Variants in BTNL8 observed in about 807,000 individuals in gnomAD.
The protein encoded by BTNL8 is butyrophilin-like protein 8.
BTNL8 carries 22 observed loss-of-function variants against 36.1 expected under a neutral mutation model. That is an observed-to-expected ratio of 0.61 (90% CI 0.44 to 0.87). The LOEUF (loss-of-function observed/expected upper bound fraction) is 0.87. Among genes scored for constraint, BTNL8 ranks in the 40% least tolerant of loss-of-function variants. The pLI is 0.00. For missense variants in BTNL8, 526 were observed against 616.9 expected, an observed-to-expected ratio of 0.85 and a Z score of 1.56; for synonymous variants, 203 against 235.6, an observed-to-expected ratio of 0.86 and a Z score of 1.27.
chr5:180,918,952 T>C (rs1757757433), intron 3 of BTNL8, among the ~76,000 whole-genome samples: 1 of 152,046 alleles, frequency 6.6e-6, no homozygotes. Flanking sequence ...GTGGCAAATG[T>C]TTCATATTCA....
Position 180,950,250 on chromosome 5 carries a change from AC to A in BTNL8, c.1211del (p.Pro404LeufsTer4). On this transcript the variant is annotated frameshift_variant, in exon 8 of 8. Transcript: ENST00000340184. LOFTEE classifies it low-confidence loss of function (END_TRUNC). ...TTATCAGCGTCTTCCCCAGGACCCC[AC>A]CTACAAAAATAGGGGTCTTCCTGGA... The part of the protein sequence containing the change: ...RFISVFPRTP[P>X]TKIGVFLDYE... 1.4e-6 allele frequency: 2 copies of A among 1,463,532 alleles called. 1 individual carries two copies. The highest frequency in any genetic ancestry group is 1.9e-6 in the Non-Finnish European group (2 of 1,058,984). The allele number at this position is 1,463,532 out of a possible 1,614,324, so 90.7% of individuals were successfully genotyped here. A position where few individuals can be genotyped will look rare whatever the true frequency, so the allele number is the denominator to read the frequency against.
At chr5:180,908,074 T>A (rs867088872) in intron 1 of BTNL8, among the ~76,000 whole-genome samples, 1 of 152,168 alleles carries the variant, frequency 6.6e-6, no homozygotes, top group African/African-American at 2.4e-5. Context: ...GTTTACCTAA[T>A]CAAGCCTGGG....
At chr5:180,936,554 T>C (rs1214887425) in intron 3 of BTNL8, among the ~76,000 whole-genome samples, 1 of 152,156 alleles carries the variant, frequency 6.6e-6, no homozygotes, top group Non-Finnish European at 1.5e-5. Flanking sequence ...TTATGGAAAA[T>C]TATAAAACAC....
At chr5:180,924,048 C>A (rs750726438) in intron 3 of BTNL8, among the ~76,000 whole-genome samples, 2 of 152,206 alleles carry the variant, frequency 1.3e-5, no homozygotes, top group Non-Finnish European at 2.9e-5. Context: ...TGTCTTTAAG[C>A]CTTACTCAGC....
intron 3 of BTNL8, among the ~76,000 whole-genome samples, chr5:180,918,334 C>G (rs979754535): frequency 5.3e-5 from 8 of 152,122 alleles, no homozygotes; most frequent in Non-Finnish European, 1.0e-4. Flanking sequence ...GGATTTATCT[C>G]TGGGATGCAA....
In BTNL8 at chr5:180,941,824, C is replaced by T. The variant is rs62406744; in HGVS notation, c.674-5688C>T. ...CACAATCAAGGTCACATATGACAAA[C>T]TCACAGCTAACATCATACAGAATGG... On this transcript the variant is annotated intron_variant, in intron 3 of 7. Transcript: ENST00000340184. Among the ~76,000 whole-genome samples the T allele has an allele frequency of 1.9e-3, 284 of 152,044 alleles. 2 individuals carry two copies. Among genetic ancestry groups the T allele is most frequent in the Middle Eastern group, 3.4e-3 (1 of 294 alleles).
rs766478838 is a variant in BTNL8, at chr5:180,911,626, G to C, written c.673+12G>C. ...GGTACAGATAGGAGGTGAGTAGGGA[G>C]GGGAGGAGAAGAGAAGGAGGGGTGG... On this transcript the variant is annotated intron_variant, in intron 3 of 7. Coordinates refer to ENST00000340184, the MANE Select transcript of BTNL8 (RefSeq NM_001040462.3). 8 of 1,595,382 alleles carry C rather than the reference G, an allele frequency of 5.0e-6. No individual in the cohort carries two copies. The highest frequency in any genetic ancestry group is 3.4e-5 in the Admixed American group (2 of 59,550).
At chr5:180,946,879 T>A (rs550712933) in intron 3 of BTNL8, among the ~76,000 whole-genome samples, 1 of 152,214 alleles carries the variant, frequency 6.6e-6, no homozygotes, top group Admixed American at 6.5e-5. Context: ...TTAATATGTA[T>A]GTGATTTGTC....
At chr5:180,933,005 C>CA (rs146946077) in intron 3 of BTNL8, among the ~76,000 whole-genome samples, 225 of 138,258 alleles carry the variant, frequency 1.6e-3, no homozygotes, top group South Asian at 5.9e-3. Context: ...AAATAAAAAC[C>CA]AAAAAAAAAA....
intron 7 of BTNL8, 100 bp from the exon 8 acceptor site, chr5:180,949,804 C>A (rs150239197): frequency 0.15 from 203,289 of 1,366,368 alleles, 51,425 homozygotes; most frequent in African/African-American, 0.33. Flanking sequence ...CTCACCTATG[C>A]CACCCAGAGC....
chr5:180,926,495 G>A (rs1416056681), intron 3 of BTNL8, among the ~76,000 whole-genome samples: 4 of 152,150 alleles, frequency 2.6e-5, no homozygotes, highest in Non-Finnish European at 5.9e-5. Flanking sequence ...CCTGGAAAGG[G>A]GGCTGAAGCC....
chr5:180,908,217 G>A (rs1476045530), intron 1 of BTNL8, among the ~76,000 whole-genome samples: 2 of 152,212 alleles, frequency 1.3e-5, no homozygotes, highest in East Asian at 1.9e-4. Context: ...CTCGTGGTGC[G>A]CCGTTTCTTA....
intron 3 of BTNL8, 146 bp downstream of exon 3, chr5:180,911,760 A>C (rs1030914869): frequency 1.2e-6 from 1 of 865,928 alleles, no homozygotes; most frequent in Non-Finnish European, 1.8e-6. Context: ...ATGAGATGTA[A>C]AAGTAAAGTT....
chr5:180,929,011 A>G (rs1283685390), intron 3 of BTNL8, among the ~76,000 whole-genome samples: 1 of 152,228 alleles, frequency 6.6e-6, no homozygotes, highest in Non-Finnish European at 1.5e-5. Flanking sequence ...CATAATATAT[A>G]TTCTTCTCAG....
At chr5:180,917,547 C>T (rs1387685009) in intron 3 of BTNL8, among the ~76,000 whole-genome samples, 1 of 151,838 alleles carries the variant, frequency 6.6e-6, no homozygotes, top group Non-Finnish European at 1.5e-5. Context: ...AATTGGATAA[C>T]CTAGCAGAAA....
At chr5:180,926,867 C>G (rs1466296651) in intron 3 of BTNL8, among the ~76,000 whole-genome samples, 1 of 152,174 alleles carries the variant, frequency 6.6e-6, no homozygotes, top group Non-Finnish European at 1.5e-5. Flanking sequence ...GACAGAGCAC[C>G]TGGGGGAAGG....
intron 3 of BTNL8, among the ~76,000 whole-genome samples, chr5:180,926,732 G>T (rs1320703551): frequency 6.6e-6 from 1 of 152,200 alleles, no homozygotes; most frequent in Non-Finnish European, 1.5e-5. Context: ...GGAGCCTACT[G>T]CAGCTTGGCA....
chr5:180,921,082 C>T (rs1326530917), intron 3 of BTNL8, among the ~76,000 whole-genome samples: 1 of 152,006 alleles, frequency 6.6e-6, no homozygotes. Context: ...CCACAAAAAA[C>T]TGTTAGAGCT....
chr5:180,899,446 C>A (rs1181533380), intron 1 of BTNL8, 87 bp downstream of exon 1: 1 of 1,449,592 alleles, frequency 6.9e-7, no homozygotes, highest in East Asian at 2.3e-5. Flanking sequence ...ATGAAGGCAT[C>A]TTTGTCGTTT....
Sources: allele counts gnomAD v4.1 joint callset (sites outside exome capture counted in the v4.1 genomes callset), GRCh38; gene constraint gnomAD v4.1.1; transcripts MANE v1.5; gene names NCBI Gene and HGNC (gene_info 2026-07-23, HGNC 2026-07-21).